The following FRMD5 variants were observed in gnomAD, a reference collection of about 807,000 sequenced individuals.
FRMD5 encodes the protein FERM domain-containing protein 5.
FRMD5 carries 20 observed loss-of-function variants against 69.0 expected under a neutral mutation model. The ratio of observed to expected loss-of-function variants is 0.29; its 90% CI spans 0.20 to 0.42. FRMD5 has a LOEUF of 0.42. Among genes scored for constraint, FRMD5 ranks in the 10% least tolerant of loss-of-function variants. FRMD5 has a pLI of 1.00. For missense variants in FRMD5, 595 were observed against 708.6 expected (o/e 0.84, Z 1.82); for synonymous variants, 271 against 260.1 (o/e 1.04, Z -0.40).
intron 1 of FRMD5, among the ~76,000 whole-genome samples, chr15:44,122,840 G>A (rs1457809541): frequency 6.6e-6 from 1 of 151,930 alleles, no homozygotes. Context: ...GCAGTGAGCT[G>A]AGATCGTGCC....
At position 44,143,091 on chromosome 15, in the gene FRMD5, C is replaced by CA. The variant is rs1246678514; in HGVS notation, c.102+51861dup. Among the ~76,000 whole-genome samples the CA allele has an allele frequency of 1.3e-3, 171 of 133,542 alleles. 1 individual carries two copies. Among genetic ancestry groups the CA allele is most frequent in the Middle Eastern group, 3.7e-3 (1 of 268 alleles). The allele number at this position is 133,542 out of a possible 152,430, so 87.6% of individuals were successfully genotyped here. ...CGGGTGACACAGCGAGACTCCGTCT[C>CA]AAAAAAAAAAAGAAAAAAGAAAGAA... is the stretch of plus-strand genomic sequence containing the variant. On this transcript the variant is annotated intron_variant, in intron 1 of 13. Transcript: ENST00000417257.
chr15:43,971,426 G>A (rs1023269664), intron 1 of FRMD5, among the ~76,000 whole-genome samples: 5 of 151,372 alleles, frequency 3.3e-5, no homozygotes, highest in East Asian at 3.9e-4. Flanking sequence ...TGCCTGGTGC[G>A]GTGGCTCACC....
At chr15:43,875,772 C>G (rs57400317) in intron 13 of FRMD5, 9 of 570,392 alleles carry the variant, frequency 1.6e-5, no homozygotes, top group Non-Finnish European at 2.1e-5. Context: ...GTTAAAGATT[C>G]TGCCTTTCTT....
intron 1 of FRMD5, among the ~76,000 whole-genome samples, chr15:43,977,776 A>C (rs2090486177): frequency 6.6e-6 from 1 of 152,164 alleles, no homozygotes; most frequent in Admixed American, 6.5e-5. Context: ...TTCTTGCAGG[A>C]AGAGAAATAG....
intron 1 of FRMD5, among the ~76,000 whole-genome samples, chr15:43,998,746 A>G (rs1890049670): frequency 6.6e-6 from 1 of 152,226 alleles, no homozygotes; most frequent in Non-Finnish European, 1.5e-5. Context: ...CAGGAAATTG[A>G]TGAGATAAGC....
intron 1 of FRMD5, among the ~76,000 whole-genome samples, chr15:44,021,436 A>C (rs1891204938): frequency 6.6e-6 from 1 of 152,208 alleles, no homozygotes; most frequent in South Asian, 2.1e-4. Flanking sequence ...ACATATAAGG[A>C]ACACCTACAA....
At chr15:43,961,570 C>G (rs921853856) in intron 1 of FRMD5, among the ~76,000 whole-genome samples, 5 of 152,180 alleles carry the variant, frequency 3.3e-5, no homozygotes, top group Non-Finnish European at 5.9e-5. Flanking sequence ...CAGCATCATC[C>G]TGATACCAAA....
chr15:44,109,782 C>A (rs1293442554), intron 1 of FRMD5, among the ~76,000 whole-genome samples: 2 of 152,174 alleles, frequency 1.3e-5, no homozygotes, highest in Admixed American at 6.5e-5. Context: ...TTTTACTGCC[C>A]TAAAAATCCT....
intron 1 of FRMD5, among the ~76,000 whole-genome samples, chr15:44,154,631 C>T (rs1484450886): frequency 6.6e-6 from 1 of 152,204 alleles, no homozygotes; most frequent in Non-Finnish European, 1.5e-5. Context: ...AAGCAGGCAA[C>T]ACTTTATGTG....
intron 1 of FRMD5, among the ~76,000 whole-genome samples, chr15:44,050,388 C>T (rs988710774): frequency 1.3e-5 from 2 of 152,138 alleles, no homozygotes; most frequent in Admixed American, 1.3e-4. Flanking sequence ...GAGACAGAGT[C>T]TCACTCTGCC....
At chr15:44,092,996 A>G (rs1170318336) in intron 1 of FRMD5, among the ~76,000 whole-genome samples, 7 of 136,036 alleles carry the variant, frequency 5.1e-5, no homozygotes, top group Admixed American at 4.4e-4. Flanking sequence ...CAGTGGCACA[A>G]TCTCGGCTCA....
At position 43,912,863 on chromosome 15, in the gene FRMD5, CAA is replaced by C. The variant is rs566290726; in HGVS notation, c.330-2886_330-2885del. ...TGAAACCCCATCTCTACTAAAAATA[CAA>C]AAAAAAAAAAAAAAAATTAGCCAGG... On this transcript the variant is annotated intron_variant, in intron 4 of 13. Transcript: ENST00000417257. Among the ~76,000 whole-genome samples the C allele has an allele frequency of 2.1e-3, 210 of 99,538 alleles. 2 individuals are homozygous for C. The highest frequency in any genetic ancestry group is 3.4e-3 in the African/African-American group (111 of 32,646). 65.3% of individuals were successfully genotyped at this position (99,538 alleles called of 152,430 possible). A position where few individuals can be genotyped will look rare whatever the true frequency, so the allele number is the denominator to read the frequency against.
intron 1 of FRMD5, among the ~76,000 whole-genome samples, chr15:44,112,846 C>T (rs945461666): frequency 2.4e-4 from 36 of 152,154 alleles, no homozygotes; most frequent in African/African-American, 8.0e-4. Flanking sequence ...CCACCCACCT[C>T]GGCCTCCCAA....
At chr15:44,108,944 G>A (rs1313256070) in intron 1 of FRMD5, among the ~76,000 whole-genome samples, 1 of 145,518 alleles carries the variant, frequency 6.9e-6, no homozygotes, top group Non-Finnish European at 1.5e-5. Flanking sequence ...CTGGGCAACA[G>A]AGTGAGACTT....
At chr15:43,930,467 C>T (rs922332990) in intron 1 of FRMD5, among the ~76,000 whole-genome samples, 3 of 152,222 alleles carry the variant, frequency 2.0e-5, no homozygotes, top group Admixed American at 6.5e-5. Flanking sequence ...GCTCTGGTAT[C>T]TAGACTACAA....
intron 1 of FRMD5, among the ~76,000 whole-genome samples, chr15:44,085,168 T>C (rs535360256): frequency 1.0e-3 from 158 of 152,240 alleles, no homozygotes; most frequent in African/African-American, 3.6e-3. Flanking sequence ...AAATAAACAA[T>C]GTGGTTTGGA....
At chr15:44,077,702 G>A (rs77704588) in intron 1 of FRMD5, among the ~76,000 whole-genome samples, 6,042 of 152,108 alleles carry the variant, frequency 0.04, 355 homozygotes, top group African/African-American at 0.13. Flanking sequence ...GTGACTGGAT[G>A]TATGAAGTAA....
rs1432694767 is a variant in FRMD5, at chr15:43,967,715, T to C, written c.103-43406A>G. ...AATGGGCTTCTGATTCTATATTTCA[T>C]GCATTTCCTATTTTTTTTTGGTCTG... On this transcript the variant is annotated intron_variant, in intron 1 of 13. Coordinates refer to ENST00000417257, the MANE Select transcript of FRMD5 (RefSeq NM_032892.5). 3.3e-5 allele frequency among the ~76,000 whole-genome samples: 5 copies of C among 152,168 alleles called. No individual in the cohort carries two copies. In the South Asian group the frequency reaches 6.2e-4, roughly 19 times the overall value.
chr15:44,036,355 T>TA lies in FRMD5; in HGVS notation c.103-112047dup, dbSNP rs1190087309. On this transcript the variant is annotated intron_variant, in intron 1 of 13. Transcript: ENST00000417257. ...GCTCAACATTCTCTTATCTTCAAAT[T>TA]AAAAAAAAAAAACCCTCCTGGGTCC... 8.9e-3 allele frequency among the ~76,000 whole-genome samples: 1,271 copies of TA among 143,414 alleles called. 8 individuals are homozygous for TA. Among genetic ancestry groups the TA allele is most frequent in the Middle Eastern group, 0.032 (9 of 284 alleles). The allele number at this position is 143,414 out of a possible 152,430, so 94.1% of individuals were successfully genotyped here.
Sources: gnomAD v4.1 joint callset for allele counts (sites outside exome capture counted in the v4.1 genomes callset) on GRCh38, gnomAD v4.1.1 for gene constraint, MANE v1.5 for transcripts, NCBI Gene and HGNC (gene_info 2026-07-23, HGNC 2026-07-21) for gene names.